HTR7: variants seen among roughly 807,000 people sequenced by gnomAD.
HTR7 encodes the protein 5-hydroxytryptamine receptor 7.
HTR7 carries 16 observed loss-of-function variants against 34.0 expected under a neutral mutation model. The ratio of observed to expected loss-of-function variants is 0.47; its 90% CI spans 0.32 to 0.71. The LOEUF is 0.71. HTR7 is among the 30% of genes least tolerant of loss of function. The pLI is 0.04. For missense variants in HTR7, 504 were observed against 625.5 expected, an observed-to-expected ratio of 0.81 and a Z score of 2.07; for synonymous variants, 265 against 260.2, an observed-to-expected ratio of 1.02 and a Z score of -0.18.
rs868165437 is a variant in HTR7 at position 90,830,807 on chromosome 10, G to A, written c.539+26326C>T. On this transcript the variant is annotated intron_variant, in intron 1 of 3. Coordinates refer to ENST00000336152, the MANE Select transcript of HTR7 (RefSeq NM_019859.4). ...TGTCTCAGAAAAAAAAAAAAAAAAA[G>A]GCAAGCAAACAAGCTTTGGCCCAGT... is the stretch of plus-strand genomic sequence containing the variant. Among the ~76,000 whole-genome samples the A allele has an allele frequency of 8.1e-3, 973 of 119,910 alleles. 15 individuals are homozygous for A. Among genetic ancestry groups the A allele is most frequent in the African/African-American group, 0.027 (884 of 32,516 alleles). The allele number at this position is 119,910 out of a possible 152,430, so 78.7% of individuals were successfully genotyped here.
intron 1 of HTR7, among the ~76,000 whole-genome samples, chr10:90,813,612 T>G (rs1845853896): frequency 6.6e-6 from 1 of 152,114 alleles, no homozygotes; most frequent in Non-Finnish European, 1.5e-5. Context: ...CCAAAATCAT[T>G]TCTTTTCTAA....
chr10:90,822,070 G>C (rs1357945160), intron 1 of HTR7, among the ~76,000 whole-genome samples: 1 of 152,164 alleles, frequency 6.6e-6, no homozygotes, highest in Non-Finnish European at 1.5e-5. Context: ...GGTACCAGGA[G>C]TGGGGCATTG....
At chr10:90,823,273 G>A (rs535853830) in intron 1 of HTR7, among the ~76,000 whole-genome samples, 14 of 152,262 alleles carry the variant, frequency 9.2e-5, no homozygotes, top group African/African-American at 3.1e-4. Flanking sequence ...GATACACAGG[G>A]GTGGAGCTGC....
chr10:90,853,322 A>G (rs897292526), intron 1 of HTR7, among the ~76,000 whole-genome samples: 3 of 118,002 alleles, frequency 2.5e-5, no homozygotes. Context: ...GCCTCACTCT[A>G]TTGCCCAGGC....
intron 1 of HTR7, among the ~76,000 whole-genome samples, chr10:90,771,118 G>A (rs965512975): frequency 6.6e-6 from 1 of 152,116 alleles, no homozygotes; most frequent in Non-Finnish European, 1.5e-5. Flanking sequence ...TACCCTCTCT[G>A]CTGGGAGCCA....
intron 2 of HTR7, among the ~76,000 whole-genome samples, chr10:90,747,498 C>T (rs1203840284): frequency 2.0e-5 from 3 of 152,140 alleles, no homozygotes; most frequent in Non-Finnish European, 4.4e-5. Flanking sequence ...TGAAGCTACA[C>T]TCAGCTTAAG....
At chr10:90,844,726 CAAAAAAAAAAA>C (rs71025328) in intron 1 of HTR7, among the ~76,000 whole-genome samples, 5 of 39,506 alleles carry the variant, frequency 1.3e-4, no homozygotes, top group Non-Finnish European at 1.5e-4. Flanking sequence ...GACTCCGTCT[CAAAAAAAAAAA>C]AAAAAAAAAA....
At chr10:90,830,074 G>C (rs1452855318) in intron 1 of HTR7, among the ~76,000 whole-genome samples, 1 of 152,124 alleles carries the variant, frequency 6.6e-6, no homozygotes, top group East Asian at 1.9e-4. Context: ...CAGTAATAGA[G>C]AAAACAATCC....
intron 1 of HTR7, among the ~76,000 whole-genome samples, chr10:90,763,938 T>G (rs879204315): frequency 6.6e-6 from 1 of 152,326 alleles, no homozygotes; most frequent in East Asian, 1.9e-4. Context: ...TGTGTCTTTA[T>G]AGTAGAATAA....
chr10:90,849,718 A>G (rs1017377304), intron 1 of HTR7, among the ~76,000 whole-genome samples: 3 of 152,250 alleles, frequency 2.0e-5, no homozygotes, highest in African/African-American at 7.2e-5. Context: ...TACATTTAAA[A>G]TATTTCAGGC....
Position 90,742,282 on chromosome 10 carries a change from A to G in HTR7, c.*200T>C. 2.0e-6 allele frequency: 1 copy of G among 488,510 alleles called. No individual in the cohort carries two copies. Among genetic ancestry groups the G allele is most frequent in the Non-Finnish European group, 3.7e-6 (1 of 273,166 alleles). The allele number at this position is 488,510 out of a possible 1,614,324, so 30.3% of individuals were successfully genotyped here. A position where few individuals can be genotyped will look rare whatever the true frequency, so the allele number is the denominator to read the frequency against. The stretch of plus-strand genomic sequence containing the variant: ...TGCTATCTTAAACTGAGAACACACA[A>G]TAGCACTGATCCACAGAAAAAAGGA... On this transcript the variant is annotated 3_prime_UTR_variant, in exon 4 of 4. Coordinates refer to ENST00000336152, the MANE Select transcript of HTR7 (RefSeq NM_019859.4).
rs1207538420 is a variant in HTR7, at chr10:90,742,355, G to T, written c.*127C>A. On this transcript the variant is annotated 3_prime_UTR_variant, in exon 4 of 4. Coordinates refer to ENST00000336152, the MANE Select transcript of HTR7 (RefSeq NM_019859.4). ...GATAGTGTGTACAACAGATCACCCT[G>T]TTTGTCATGTTTTAGACATCCCAAG... 2.9e-6 allele frequency: 2 copies of T among 686,802 alleles called. No homozygotes were observed. Among genetic ancestry groups the T allele is most frequent in the East Asian group, 2.6e-5 (1 of 38,758 alleles). 42.5% of individuals were successfully genotyped at this position (686,802 alleles called of 1,614,324 possible). A position where few individuals can be genotyped will look rare whatever the true frequency, so the allele number is the denominator to read the frequency against.
intron 1 of HTR7, among the ~76,000 whole-genome samples, chr10:90,803,345 C>A (rs541606595): frequency 1.4e-4 from 22 of 152,230 alleles, no homozygotes; most frequent in African/African-American, 5.1e-4. Flanking sequence ...AGGGTATTCA[C>A]ATGCGCAGTA....
intron 1 of HTR7, among the ~76,000 whole-genome samples, chr10:90,789,613 A>C (rs1195906111): frequency 6.6e-6 from 1 of 152,226 alleles, no homozygotes; most frequent in Non-Finnish European, 1.5e-5. Context: ...GAATCATCAT[A>C]GTTCTATGAA....
At chr10:90,780,311 G>A (rs1374119324) in intron 1 of HTR7, among the ~76,000 whole-genome samples, 7 of 152,116 alleles carry the variant, frequency 4.6e-5, no homozygotes, top group South Asian at 2.1e-4. Context: ...CAAGGCAGGC[G>A]GATCACCTGA....
At chr10:90,809,118 G>C (rs767887568) in intron 1 of HTR7, among the ~76,000 whole-genome samples, 10 of 151,866 alleles carry the variant, frequency 6.6e-5, no homozygotes, top group Non-Finnish European at 1.2e-4. Context: ...TCCTCGCCAG[G>C]CCGAGCTAAG....
In HTR7 at chr10:90,749,289, T is replaced by C. The variant is rs1844694336; in HGVS notation, c.845A>G (p.Glu282Gly). ...KHKFPGFPRV[E>G]PDSVIALNGI... ...ATTCAGGGCGATGACGCTGTCTGGC[T>C]CCACTCGAGGGAAGCCAGGAAACTT... Residue 282 changes from glutamate to glycine, a missense_variant, in exon 2 of 4, where the codon GAG (glutamate) becomes GGG (glycine). Physicochemically the swap from Glu to Gly is moderately conservative, Grantham distance 98. Around this residue, in one of 4 missense-constraint regions of HTR7, gnomAD observed 57 missense variants for 47.5 expected, o/e 1.20. Transcript: ENST00000336152. This position sits in a 1 kb window ranked among gnomAD's most constrained non-coding sequence, Gnocchi z 4.2. 1 of 1,614,152 alleles carries C rather than the reference T, an allele frequency of 6.2e-7. No individual in the cohort carries two copies. Among genetic ancestry groups the C allele is most frequent in the Non-Finnish European group, 8.5e-7 (1 of 1,180,012 alleles).
In HTR7 at chr10:90,742,537, A is replaced by C; in HGVS notation, c.1394-9T>G. 3 of 1,562,822 alleles carry C rather than the reference A, an allele frequency of 1.9e-6. No homozygotes were observed. The highest frequency in any genetic ancestry group is 2.6e-6 in the Non-Finnish European group (3 of 1,144,374). ...AGTAGTCAGCATTTTGTCTAAAAAA[A>C]AGAGAGAGAAAAATAGAAAATAATT... On this transcript the variant is annotated splice_polypyrimidine_tract_variant and intron_variant, in intron 3 of 3. Transcript: ENST00000336152.
At position 90,750,823 on chromosome 10, in the gene HTR7, C is replaced by T. The variant is rs185982997; in HGVS notation, c.540-1229G>A. 1.6e-4 allele frequency among the ~76,000 whole-genome samples: 24 copies of T among 152,270 alleles called. No homozygotes were observed. The East Asian group carries it at 4.6e-3, about 29-fold the overall frequency. ...CACTATAACACTTACAGGAAGACAA[C>T]ACTGAAATATAGTAAAAAATAATGA... On this transcript the variant is annotated intron_variant, in intron 1 of 3. Transcript: ENST00000336152.
Sources: gnomAD v4.1 joint callset for allele counts (sites outside exome capture counted in the v4.1 genomes callset) on GRCh38, gnomAD v4.1.1 for gene constraint, gnomAD v4.1.1 regional missense constraint, Gnocchi (gnomAD v3.1) non-coding constraint, MANE v1.5 for transcripts, NCBI Gene and HGNC (gene_info 2026-07-23, HGNC 2026-07-21) for gene names.